Variants in PTPRG observed in about 807,000 individuals in gnomAD.
The protein encoded by PTPRG is protein tyrosine phosphatase receptor type G.
PTPRG carries 102 observed loss-of-function variants against 165.3 expected under a neutral mutation model. That is an observed-to-expected ratio of 0.62 (90% CI 0.53 to 0.73). The LOEUF is 0.73. Ranked by LOEUF, PTPRG falls within the 30% of genes least tolerant of loss-of-function variation. The probability of loss-of-function intolerance (pLI) is 0.00; values close to 1 mark genes in which losing one functional copy is unlikely to be tolerated. For synonymous variants in PTPRG, 675 were observed against 669.5 expected (o/e 1.01, Z -0.13); for missense variants, 1,866 against 1,861.4 (o/e 1.00, Z -0.05).
chr3:62,039,237 G>A (rs1458916814), intron 4 of PTPRG, among the ~76,000 whole-genome samples: 1 of 148,320 alleles, frequency 6.7e-6, no homozygotes, highest in East Asian at 2.0e-4. Flanking sequence ...CCCTAGCCAA[G>A]AGTTATGGTT....
At chr3:61,608,886 G>A (rs1701086842) in intron 1 of PTPRG, among the ~76,000 whole-genome samples, 1 of 152,038 alleles carries the variant, frequency 6.6e-6, no homozygotes, top group African/African-American at 2.4e-5. Flanking sequence ...GTCCCTTTAG[G>A]GGATTATCCA....
chr3:61,991,155 A>G (rs563620213), intron 3 of PTPRG, among the ~76,000 whole-genome samples: 57 of 152,330 alleles, frequency 3.7e-4, no homozygotes, highest in African/African-American at 5.5e-4. Context: ...TGATTCATCT[A>G]TATGAGTAGC....
chr3:62,131,738 C>A (rs1703522753), intron 5 of PTPRG, among the ~76,000 whole-genome samples: 1 of 152,174 alleles, frequency 6.6e-6, no homozygotes, highest in Non-Finnish European at 1.5e-5. Flanking sequence ...CCTATACCCA[C>A]CACCCAAGGT....
chr3:61,984,978 A>T (rs1018118877), intron 2 of PTPRG, among the ~76,000 whole-genome samples: 11 of 152,228 alleles, frequency 7.2e-5, no homozygotes, highest in Non-Finnish European at 1.6e-4. Flanking sequence ...AATACCACGG[A>T]GGTGATTTGC....
At chr3:62,105,063 C>G (rs941677234) in intron 5 of PTPRG, among the ~76,000 whole-genome samples, 2 of 72,528 alleles carry the variant, frequency 2.8e-5, no homozygotes, top group African/African-American at 8.2e-5. Flanking sequence ...GCAAGAAACG[C>G]CTCAGTTAAA....
At position 62,130,639 on chromosome 3, in the gene PTPRG, A is replaced by T. The variant is rs182977989; in HGVS notation, c.616-1963A>T. 3.3e-4 allele frequency among the ~76,000 whole-genome samples: 51 copies of T among 152,290 alleles called. No individual in the cohort carries two copies. In the East Asian group the frequency reaches 9.3e-3, roughly 28 times the overall value. On this transcript the variant is annotated intron_variant, in intron 5 of 29. Transcript: ENST00000474889. ...TTCTCTGGGATCCTTATTTTATTCTATTCTGGCCTCTTGAAACTTGGCCAC... is the reference window on the plus strand; with the variant it reads ...TTCTCTGGGATCCTTATTTTATTCTTTTCTGGCCTCTTGAAACTTGGCCAC...
At chr3:61,917,376 T>A (rs1255723368) in intron 2 of PTPRG, among the ~76,000 whole-genome samples, 1 of 152,204 alleles carries the variant, frequency 6.6e-6, no homozygotes, top group Non-Finnish European at 1.5e-5. Flanking sequence ...ATGGAGTGTT[T>A]AAGCGGTGAA....
intron 1 of PTPRG, among the ~76,000 whole-genome samples, chr3:61,660,188 G>A (rs1702620327): frequency 6.6e-6 from 1 of 152,156 alleles, no homozygotes; most frequent in Non-Finnish European, 1.5e-5. Flanking sequence ...TCATGCCACT[G>A]CACTCCAGCC....
At chr3:61,846,074 C>G (rs867249293) in intron 2 of PTPRG, among the ~76,000 whole-genome samples, 2 of 152,090 alleles carry the variant, frequency 1.3e-5, no homozygotes, top group Non-Finnish European at 2.9e-5. Flanking sequence ...GCTTGCTCAT[C>G]CATTAAATAG....
rs192962084 is a variant in PTPRG at position 62,260,683 on chromosome 3, T to G, written c.2560-2115T>G. Among the ~76,000 whole-genome samples, 231 of 152,154 alleles carry G rather than the reference T, an allele frequency of 1.5e-3. 1 individual carries two copies. Among genetic ancestry groups the G allele is most frequent in the African/African-American group, 5.2e-3 (215 of 41,508 alleles). On this transcript the variant is annotated intron_variant, in intron 16 of 29. Transcript: ENST00000474889. The stretch of plus-strand genomic sequence containing the variant: ...CATTGGCCAGTGTCTCTTTAAAGGG[T>G]TTTTAACACACTAAAATCCTGTTAA...
chr3:62,045,404 G>A (rs558664172), intron 4 of PTPRG, among the ~76,000 whole-genome samples: 16 of 152,270 alleles, frequency 1.1e-4, no homozygotes, highest in South Asian at 8.3e-4. Context: ...TAGCTGTACC[G>A]CCCTTAGCCA....
chr3:61,783,297 A>T (rs1413965557), intron 2 of PTPRG, among the ~76,000 whole-genome samples: 1 of 152,154 alleles, frequency 6.6e-6, no homozygotes, highest in African/African-American at 2.4e-5. Flanking sequence ...CTGTGTTTGC[A>T]CCACTGCACT....
At chr3:62,026,073 C>G (rs1159242626) in intron 4 of PTPRG, among the ~76,000 whole-genome samples, 1 of 152,146 alleles carries the variant, frequency 6.6e-6, no homozygotes, top group Non-Finnish European at 1.5e-5. Flanking sequence ...CTGTCTTAAG[C>G]CTGGGTAATC....
intron 2 of PTPRG, among the ~76,000 whole-genome samples, chr3:61,975,581 G>A (rs1422120966): frequency 2.0e-5 from 3 of 152,166 alleles, no homozygotes; most frequent in African/African-American, 7.2e-5. Flanking sequence ...TTGTCAGTGA[G>A]CTGCCACATC....
intron 2 of PTPRG, among the ~76,000 whole-genome samples, chr3:61,822,228 G>A (rs187700060): frequency 2.1e-3 from 314 of 152,290 alleles, no homozygotes; most frequent in Middle Eastern, 3.4e-3. Context: ...TAATTGTTCA[G>A]CTCTTCTCTT....
At chr3:61,848,779 T>A (rs1225541628) in intron 2 of PTPRG, among the ~76,000 whole-genome samples, 1 of 152,188 alleles carries the variant, frequency 6.6e-6, no homozygotes, top group Non-Finnish European at 1.5e-5. Flanking sequence ...TGTATACATG[T>A]GTAAAATACC....
chr3:61,785,774 A>C (rs960750988), intron 2 of PTPRG, among the ~76,000 whole-genome samples: 8 of 152,230 alleles, frequency 5.3e-5, no homozygotes, highest in South Asian at 2.1e-4. Context: ...AGAACTCATA[A>C]GCAGTTACCT....
intron 2 of PTPRG, among the ~76,000 whole-genome samples, chr3:61,836,644 A>G (rs1418172198): frequency 3.3e-5 from 5 of 152,258 alleles, no homozygotes; most frequent in Admixed American, 3.3e-4. Flanking sequence ...GAGGAAATAG[A>G]GGTGCAGTAA....
chr3:62,233,908 T>TA lies in PTPRG; in HGVS notation c.2375+2603dup. ...AAGTAATACTTGACATGATTCAAAA[T>TA]AAAAAAGTTTAAAATTATATGCACC... On this transcript the variant is annotated intron_variant, in intron 14 of 29. Transcript: ENST00000474889. This position sits in a 1 kb window ranked among gnomAD's most constrained non-coding sequence, Gnocchi z 4.7. 6.6e-6 allele frequency among the ~76,000 whole-genome samples: 1 copy of TA among 152,232 alleles called. No individual in the cohort carries two copies. The highest frequency in any genetic ancestry group is 1.9e-4 in the East Asian group (1 of 5,190).
Sources: gnomAD v4.1 joint callset for allele counts (sites outside exome capture counted in the v4.1 genomes callset) on GRCh38, gnomAD v4.1.1 for gene constraint, Gnocchi (gnomAD v3.1) non-coding constraint, MANE v1.5 for transcripts, NCBI Gene and HGNC (gene_info 2026-07-23, HGNC 2026-07-21) for gene names.